RNASET2: variants seen among roughly 807,000 people sequenced by gnomAD.
RNASET2 encodes the protein ribonuclease T2.
Under a neutral mutation model 33.9 loss-of-function variants are expected in RNASET2, and 28 were observed. The observed-to-expected ratio is 0.83, with a 90% CI of 0.61 to 1.13. The LOEUF (loss-of-function observed/expected upper bound fraction) is 1.13, where lower values mean the gene tolerates loss of function less well. RNASET2 is among the 50% of genes most tolerant of loss of function. The pLI, the probability that RNASET2 is intolerant of heterozygous loss-of-function variation, is 0.00. For synonymous variants in RNASET2, 123 were observed against 121.0 expected, an observed-to-expected ratio of 1.02 and a Z score of -0.11; for missense variants, 330 against 319.9, an observed-to-expected ratio of 1.03 and a Z score of -0.24.
In RNASET2 at chr6:166,952,499, T is replaced by C. The variant is rs774446299; in HGVS notation, c.136A>G (p.Thr46Ala). 1.2e-6 allele frequency: 2 copies of C among 1,613,970 alleles called. No individual in the cohort carries two copies. Among genetic ancestry groups the C allele is most frequent in the Non-Finnish European group, 1.7e-6 (2 of 1,179,792 alleles). ...KLIMVQHWPE[T>A]VCEKIQNDCR... ...GCAGAAACACTCACCTCGCATACTG[T>C]CTCAGGCCAGTGCTGAACCATAATT... Residue 46 changes from threonine to alanine, a missense_variant, in exon 2 of 9, where the codon ACA (threonine) becomes GCA (alanine). Thr to Ala is a moderately conservative substitution (Grantham distance 58). Transcript: ENST00000508775.
At chr6:166,950,442 A>G (rs1778956423) in intron 2 of RNASET2, among the ~76,000 whole-genome samples, 1 of 152,238 alleles carries the variant, frequency 6.6e-6, no homozygotes, top group Admixed American at 6.5e-5. Context: ...TGAGCCAGAT[A>G]AGCAAAATTT....
At position 166,928,218 on chromosome 6, in the gene RNASET2, T is replaced by G. The variant is rs942809201; in HGVS notation, c.*1370A>C. ...GGCCAGAGGCCGTCCTGTGTCTCCT[T>G]TAATGCCTGCGGGGGACGCAGAGGC... On this transcript the variant is annotated 3_prime_UTR_variant, in exon 9 of 9. Transcript: ENST00000508775. 4.6e-5 allele frequency among the ~76,000 whole-genome samples: 7 copies of G among 152,212 alleles called. No individual in the cohort carries two copies. Among genetic ancestry groups the G allele is most frequent in the African/African-American group, 1.7e-4 (7 of 41,456 alleles).
rs1014496614 is a variant in RNASET2 at position 166,929,356 on chromosome 6, A to T, written c.*232T>A. ...AAGAGTTTAATAGAGAAAAAAAAAA[A>T]CAATCTGTGAGCTTTATCCCAAGCA... is the stretch of plus-strand genomic sequence containing the variant. On this transcript the variant is annotated 3_prime_UTR_variant, in exon 9 of 9. Transcript: ENST00000508775. The T allele has an allele frequency of 1.7e-6, 1 of 586,550 alleles. No homozygotes were observed. Among genetic ancestry groups the T allele is most frequent in the South Asian group, 2.0e-5 (1 of 50,030 alleles). The allele number at this position is 586,550 out of a possible 1,614,324, so 36.3% of individuals were successfully genotyped here.
At chr6:166,955,576 G>T (rs931114613) in intron 1 of RNASET2, 1 of 990,390 alleles carries the variant, frequency 1.0e-6, no homozygotes, top group Non-Finnish European at 1.2e-6. Flanking sequence ...TGCAGGAACA[G>T]TGCTCCACCA....
intron 6 of RNASET2, 82 bp from the exon 7 acceptor site, chr6:166,934,218 G>T: frequency 1.1e-6 from 1 of 932,522 alleles, no homozygotes; most frequent in Admixed American, 1.8e-5. Context: ...CATATTTCAT[G>T]GTAAAAATTA....
rs920455242 is a variant in RNASET2 at position 166,924,241 on chromosome 6, C to T, written c.*5347G>A. Among the ~76,000 whole-genome samples the T allele has an allele frequency of 6.6e-6, 1 of 152,156 alleles. No individual in the cohort carries two copies. Among genetic ancestry groups the T allele is most frequent in the Non-Finnish European group, 1.5e-5 (1 of 68,014 alleles). ...TCAGCCTCCCGAGTAGCTGGGACTA[C>T]AGGTGCCCGCCACCATGCCCGGCCA... On this transcript the variant is annotated 3_prime_UTR_variant, in exon 9 of 9. Transcript: ENST00000508775.
chr6:166,932,093 C>T (rs1434441163), intron 7 of RNASET2: 1 of 152,812 alleles, frequency 6.5e-6, no homozygotes. Flanking sequence ...TCTTGCCAAG[C>T]TTCTGACACC....
At position 166,928,771 on chromosome 6, in the gene RNASET2, C is replaced by T. The variant is rs894743154; in HGVS notation, c.*817G>A. ...AGCGTGGGTGCAGCAGTCTGCCTGA[C>T]GTGAGAGCCATGTCATCACATATCT... On this transcript the variant is annotated 3_prime_UTR_variant, in exon 9 of 9. Coordinates refer to ENST00000508775, the MANE Select transcript of RNASET2 (RefSeq NM_003730.6). Among the ~76,000 whole-genome samples the T allele has an allele frequency of 7.2e-5, 11 of 152,194 alleles. No homozygotes were observed. The highest frequency in any genetic ancestry group is 3.3e-4 in the Admixed American group (5 of 15,292).
chr6:166,947,397 C>T (rs893272148), intron 3 of RNASET2, among the ~76,000 whole-genome samples: 2 of 152,208 alleles, frequency 1.3e-5, no homozygotes, highest in African/African-American at 4.8e-5. Flanking sequence ...AGACCCCGAC[C>T]CCTCAGAGCC....
At chr6:166,947,977 CAAGAG>C (rs1778888333) in intron 3 of RNASET2, among the ~76,000 whole-genome samples, 4 of 152,050 alleles carry the variant, frequency 2.6e-5, no homozygotes, top group Admixed American at 2.6e-4. Flanking sequence ...TAATAAACCC[CAAGAG>C]AAGAACAAAA....
At position 166,956,286 on chromosome 6, in the gene RNASET2, C is replaced by A. The variant is rs886061245; in HGVS notation, c.-104G>T. 551 of 1,112,772 alleles carry A rather than the reference C, an allele frequency of 5.0e-4. 5 individuals are homozygous for A. The East Asian group carries it at 0.014, about 28-fold the overall frequency. 68.9% of individuals were successfully genotyped at this position (1,112,772 alleles called of 1,614,324 possible). A position where few individuals can be genotyped will look rare whatever the true frequency, so the allele number is the denominator to read the frequency against. The stretch of plus-strand genomic sequence containing the variant: ...GGGAGAAACGCTGTCTCCGAGCCCC[C>A]GCGCCGCCGCGCTCCCTCCGCTGCA... On this transcript the variant is annotated 5_prime_UTR_variant, in exon 1 of 9. Coordinates refer to ENST00000508775, the MANE Select transcript of RNASET2 (RefSeq NM_003730.6).
At chr6:166,940,865 C>T (rs1778676576) in intron 5 of RNASET2, among the ~76,000 whole-genome samples, 1 of 152,074 alleles carries the variant, frequency 6.6e-6, no homozygotes, top group South Asian at 2.1e-4. Flanking sequence ...GCGGATGTCC[C>T]AGGCTCACCC....
intron 5 of RNASET2, among the ~76,000 whole-genome samples, chr6:166,940,060 C>T (rs1446244384): frequency 6.6e-6 from 1 of 152,202 alleles, no homozygotes; most frequent in East Asian, 1.9e-4. Flanking sequence ...CGCTCAAGTC[C>T]AAGGTCAGCG....
intron 4 of RNASET2, chr6:166,943,800 T>C (rs1010872004): frequency 8.5e-6 from 4 of 468,826 alleles, no homozygotes; most frequent in African/African-American, 6.0e-5. Flanking sequence ...GTAATCTCCA[T>C]CCAATTTTTC....
chr6:166,947,021 T>C (rs1455636186), intron 3 of RNASET2, among the ~76,000 whole-genome samples: 16 of 152,098 alleles, frequency 1.1e-4, no homozygotes, highest in African/African-American at 3.6e-4. Flanking sequence ...GATAGCCTAG[T>C]AGCACCGAGG....
chr6:166,950,769 A>T (rs1778964997), intron 2 of RNASET2, among the ~76,000 whole-genome samples: 1 of 152,230 alleles, frequency 6.6e-6, no homozygotes, highest in South Asian at 2.1e-4. Flanking sequence ...GCCAGCCCGG[A>T]GGGCCGTGAG....
chr6:166,933,832 C>A lies in RNASET2; in HGVS notation c.492+259G>T. On this transcript the variant is annotated intron_variant, in intron 7 of 8. Transcript: ENST00000508775. The surrounding 1 kb of genome is among the most constrained non-coding windows in gnomAD (Gnocchi z 4.1). The stretch of plus-strand genomic sequence containing the variant: ...AAACTGCAGATTCCACCTGCTCTGC[C>A]GGACCCTGGAGCACACACTTCTCAC... The A allele has an allele frequency of 1.8e-6, 1 of 554,664 alleles. No individual in the cohort carries two copies. The highest frequency in any genetic ancestry group is 2.3e-5 in the South Asian group (1 of 43,920). The allele number at this position is 554,664 out of a possible 1,614,324, so 34.4% of individuals were successfully genotyped here.
At chr6:166,955,227 ACACGCACG>A (rs1294466139) in intron 1 of RNASET2, among the ~76,000 whole-genome samples, 3 of 58,492 alleles carry the variant, frequency 5.1e-5, no homozygotes, top group Non-Finnish European at 8.7e-5. Flanking sequence ...ACACGCGCAC[ACACGCACG>A]CACGCACACA....
rs1301259013 is a variant in RNASET2 at position 166,928,503 on chromosome 6, C to T, written c.*1085G>A. Among the ~76,000 whole-genome samples, 1 of 139,026 alleles carries T rather than the reference C, an allele frequency of 7.2e-6. No homozygotes were observed. Among genetic ancestry groups the T allele is most frequent in the East Asian group, 2.3e-4 (1 of 4,316 alleles). 91.2% of individuals were successfully genotyped at this position (139,026 alleles called of 152,430 possible). A position where few individuals can be genotyped will look rare whatever the true frequency, so the allele number is the denominator to read the frequency against. On this transcript the variant is annotated 3_prime_UTR_variant, in exon 9 of 9. Coordinates refer to ENST00000508775, the MANE Select transcript of RNASET2 (RefSeq NM_003730.6). ...TGGTTATTCTAAGGATTAAATATTT[C>T]ACGTGTTGAACACAATGCCTGGCAC...
Sources: allele counts gnomAD v4.1 joint callset (sites outside exome capture counted in the v4.1 genomes callset), GRCh38; gene constraint gnomAD v4.1.1; non-coding constraint Gnocchi (gnomAD v3.1); transcripts MANE v1.5; gene names NCBI Gene and HGNC (gene_info 2026-07-23, HGNC 2026-07-21).